Variants in RPS6KC1 observed in about 807,000 individuals in gnomAD.
The protein encoded by RPS6KC1 is ribosomal protein S6 kinase C1, also known as inactive ribosomal protein S6 kinase delta-1.
A neutral mutation model predicts 103.8 loss-of-function variants in RPS6KC1; 54 were observed. The ratio of observed to expected loss-of-function variants is 0.52; its 90% CI spans 0.42 to 0.65. The LOEUF is 0.65. Ranked by LOEUF, RPS6KC1 falls within the 30% of genes least tolerant of loss-of-function variation. RPS6KC1 has a pLI of 0.00. For missense variants in RPS6KC1, 1,151 were observed against 1,253.8 expected (o/e 0.92, Z 1.24); for synonymous variants, 439 against 438.7 (o/e 1.00, Z -0.01).
At chr1:213,338,092 G>T in the RPS6KC1 span, among the ~76,000 whole-genome samples, 207 of 152,252 alleles carry the variant, frequency 1.4e-3, 11 homozygotes, top group Non-Finnish European at 1.0e-3. Context: ...GGGAAGAGCT[G>T]AATTCCTAAG....
chr1:213,238,159 G>T lies in RPS6KC1; in HGVS notation c.1226-2543G>T, dbSNP rs138639280. 7.9e-5 allele frequency among the ~76,000 whole-genome samples: 12 copies of T among 152,248 alleles called. No homozygotes were observed. The East Asian group carries it at 2.3e-3, about 29-fold the overall frequency. ...AAAGTAATATTAATATGATGTAAAT[G>T]TCATAAGGAGTATGAAGGTGGATGA... On this transcript the variant is annotated intron_variant, in intron 10 of 14. Coordinates refer to ENST00000366960, the MANE Select transcript of RPS6KC1 (RefSeq NM_012424.6).
chr1:213,112,855 A>G (rs2148849000), intron 4 of RPS6KC1, among the ~76,000 whole-genome samples: 1 of 152,186 alleles, frequency 6.6e-6, no homozygotes, highest in African/African-American at 2.4e-5. Flanking sequence ...GAGAATGATG[A>G]TTTCCAGTTT....
chr1:213,266,902 T>A (rs12061532), intron 14 of RPS6KC1, among the ~76,000 whole-genome samples: 1 of 147,832 alleles, frequency 6.8e-6, no homozygotes, highest in African/African-American at 2.5e-5. Context: ...AGGCTCCGTC[T>A]CAAACAAACA....
the RPS6KC1 span, among the ~76,000 whole-genome samples, chr1:213,679,819 A>G: frequency 6.6e-6 from 1 of 152,238 alleles, no homozygotes; most frequent in African/African-American, 2.4e-5. Flanking sequence ...CATGAAATCA[A>G]CTTTATGAAT....
chr1:213,402,855 T>C, the RPS6KC1 span, among the ~76,000 whole-genome samples: 3 of 150,476 alleles, frequency 2.0e-5, no homozygotes, highest in South Asian at 4.2e-4. Flanking sequence ...AATTAAAAAA[T>C]ATACTTTTTT....
At chr1:213,152,586 C>T (rs1215637471) in intron 6 of RPS6KC1, among the ~76,000 whole-genome samples, 1 of 148,276 alleles carries the variant, frequency 6.7e-6, no homozygotes, top group African/African-American at 2.5e-5. Context: ...CAGAGGTGCT[C>T]CTCACATCCC....
chr1:213,520,629 T>TCCTCC, the RPS6KC1 span, among the ~76,000 whole-genome samples: 4 of 152,150 alleles, frequency 2.6e-5, no homozygotes, highest in East Asian at 7.7e-4. Flanking sequence ...TTATTCTTTT[T>TCCTCC]ATCAGACTTG....
chr1:213,064,714 A>G (rs1416569549), intron 1 of RPS6KC1, among the ~76,000 whole-genome samples: 11 of 96,630 alleles, frequency 1.1e-4, no homozygotes, highest in Middle Eastern at 0.012. Flanking sequence ...GTCTTGCTCT[A>G]TTGCCCAGGC....
chr1:213,440,118 C>A, the RPS6KC1 span, among the ~76,000 whole-genome samples: 14 of 152,038 alleles, frequency 9.2e-5, no homozygotes, highest in African/African-American at 3.1e-4. Context: ...AGATACATTG[C>A]ACAGCAAGGG....
the RPS6KC1 span, among the ~76,000 whole-genome samples, chr1:213,419,185 T>C: frequency 6.6e-6 from 1 of 152,354 alleles, no homozygotes; most frequent in Middle Eastern, 3.4e-3. Context: ...AAGTGTGCTG[T>C]TCTTCACCTC....
the RPS6KC1 span, among the ~76,000 whole-genome samples, chr1:213,286,234 AAC>A: frequency 1.3e-5 from 2 of 152,222 alleles, no homozygotes; most frequent in Non-Finnish European, 2.9e-5. Flanking sequence ...AGCCCTTAGA[AAC>A]AGTGTCCAAC....
intron 12 of RPS6KC1, among the ~76,000 whole-genome samples, chr1:213,247,205 A>G (rs2094467567): frequency 6.6e-6 from 1 of 152,188 alleles, no homozygotes; most frequent in South Asian, 2.1e-4. Context: ...CCCGATCTCC[A>G]TGCTCCCAGA....
chr1:213,129,728 T>G lies in RPS6KC1; in HGVS notation c.674T>G (p.Leu225Arg). 7.4e-6 allele frequency: 12 copies of G among 1,614,104 alleles called. No individual in the cohort carries two copies. Among genetic ancestry groups the G allele is most frequent in the Non-Finnish European group, 1.0e-5 (12 of 1,179,970 alleles). Residue 225 changes from leucine (L) to arginine (R), a missense_variant, in exon 6 of 15, where the codon CTC becomes CGC. Transcript: ENST00000366960. Reference protein sequence around the residue: ...KTEEERESRSLFPGSLKPKLG... With the variant: ...KTEEERESRSRFPGSLKPKLG... ...GAAGAAGAACGGGAAAGTCGTAGCC[T>G]CTTTCCTGGCAGTTTAAAGCCGAAG... is the stretch of plus-strand genomic sequence containing the variant.
chr1:213,121,176 C>G (rs1335204973), intron 5 of RPS6KC1, among the ~76,000 whole-genome samples: 2 of 152,192 alleles, frequency 1.3e-5, no homozygotes, highest in East Asian at 3.9e-4. Context: ...GCAAGTGATT[C>G]TCCTGGCCTT....
At chr1:213,638,765 G>A in the RPS6KC1 span, among the ~76,000 whole-genome samples, 5 of 152,132 alleles carry the variant, frequency 3.3e-5, no homozygotes, top group South Asian at 1.0e-3. Context: ...TAACTTTATA[G>A]TAAGTATTGA....
chr1:213,566,223 TTAAAA>T, the RPS6KC1 span, among the ~76,000 whole-genome samples: 1 of 152,030 alleles, frequency 6.6e-6, no homozygotes, highest in African/African-American at 2.4e-5. Flanking sequence ...TTTGAAAATG[TTAAAA>T]TAAAATTTAG....
the RPS6KC1 span, among the ~76,000 whole-genome samples, chr1:213,301,835 A>C: frequency 6.6e-6 from 1 of 151,914 alleles, no homozygotes; most frequent in Non-Finnish European, 1.5e-5. Flanking sequence ...TCCTAGGTTC[A>C]AGCGATTCTC....
At chr1:213,599,465 A>C in the RPS6KC1 span, among the ~76,000 whole-genome samples, 1 of 151,076 alleles carries the variant, frequency 6.6e-6, no homozygotes, top group African/African-American at 2.4e-5. Context: ...CTTCTGGTAG[A>C]ACGAGGGGGG....
chr1:213,378,108 G>C, the RPS6KC1 span, among the ~76,000 whole-genome samples: 1 of 152,234 alleles, frequency 6.6e-6, no homozygotes, highest in East Asian at 1.9e-4. Context: ...ATTGCCATCT[G>C]AGGAACTGAG....
Sources: gnomAD v4.1 joint callset for allele counts (sites outside exome capture counted in the v4.1 genomes callset) on GRCh38, gnomAD v4.1.1 for gene constraint, MANE v1.5 for transcripts, NCBI Gene and HGNC (gene_info 2026-07-23, HGNC 2026-07-21) for gene names.